CDIN1: variants seen among roughly 807,000 people sequenced by gnomAD.
CDIN1 encodes CDAN1-interacting nuclease 1.
In CDIN1, 33 loss-of-function variants were observed where a neutral mutation model predicts 45.3. That is an observed-to-expected ratio of 0.73 (90% CI 0.55 to 0.97). The LOEUF (loss-of-function observed/expected upper bound fraction) is 0.97, where lower values mean the gene tolerates loss of function less well. CDIN1 is among the 50% of genes least tolerant of loss of function. CDIN1 has a pLI of 0.00. For synonymous variants in CDIN1, 118 were observed against 124.4 expected (o/e 0.95, Z 0.34); for missense variants, 303 against 339.4 (o/e 0.89, Z 0.84).
At chr15:36,613,446 G>T (rs777590718) in intron 1 of CDIN1, 22 of 1,523,350 alleles carry the variant, frequency 1.4e-5, no homozygotes, top group Non-Finnish European at 2.0e-5. Flanking sequence ...AGGAACTGGA[G>T]CGTGAGCAGT....
At chr15:36,631,241 T>G (rs2039666097) in intron 1 of CDIN1, among the ~76,000 whole-genome samples, 1 of 152,016 alleles carries the variant, frequency 6.6e-6, no homozygotes, top group South Asian at 2.1e-4. Flanking sequence ...GATCTTCTAT[T>G]TTTTTAAGAA....
intron 10 of CDIN1, among the ~76,000 whole-genome samples, chr15:36,759,620 G>A (rs748991833): frequency 1.3e-5 from 2 of 151,938 alleles, no homozygotes; most frequent in Non-Finnish European, 2.9e-5. Context: ...GACACTATTA[G>A]CATTGTTAAC....
At chr15:36,652,257 G>T (rs939332749) in intron 3 of CDIN1, among the ~76,000 whole-genome samples, 1 of 152,026 alleles carries the variant, frequency 6.6e-6, no homozygotes, top group Non-Finnish European at 1.5e-5. Flanking sequence ...ACCATGAATG[G>T]TTTTTTTTCC....
chr15:36,613,392 A>ACTG, intron 1 of CDIN1: 1 of 1,019,536 alleles, frequency 9.8e-7, no homozygotes. Flanking sequence ...TTGTCTTAAG[A>ACTG]ACTCAGTTTT....
chr15:36,675,529 T>G (rs561557398), intron 5 of CDIN1, among the ~76,000 whole-genome samples: 1 of 152,270 alleles, frequency 6.6e-6, no homozygotes, highest in Admixed American at 6.5e-5. Context: ...GCAGCATGTC[T>G]TTTTGTAAAC....
intron 10 of CDIN1, among the ~76,000 whole-genome samples, chr15:36,768,852 A>G (rs1452375793): frequency 2.0e-5 from 3 of 152,280 alleles, no homozygotes; most frequent in South Asian, 2.1e-4. Context: ...GAAAGGCCTC[A>G]GAGTCTGAAA....
chr15:36,786,869 T>C (rs943107428), intron 10 of CDIN1, among the ~76,000 whole-genome samples: 2 of 152,088 alleles, frequency 1.3e-5, no homozygotes, highest in African/African-American at 4.8e-5. Flanking sequence ...CTCTGACCCT[T>C]CAAACCCACT....
chr15:36,625,483 A>C lies in CDIN1; in HGVS notation c.102-18795A>C, dbSNP rs981506635. Among the ~76,000 whole-genome samples, 6 of 152,210 alleles carry C rather than the reference A, an allele frequency of 3.9e-5. No homozygotes were observed. In the East Asian group the frequency reaches 5.8e-4, roughly 15 times the overall value. The stretch of plus-strand genomic sequence containing the variant: ...TTCATACATTGAAGAATTCTCTGAT[A>C]AGAGAGATTCATTCATGATATTTTC... On this transcript the variant is annotated intron_variant, in intron 1 of 10. Coordinates refer to ENST00000566621, the MANE Select transcript of CDIN1 (RefSeq NM_001321759.2).
intron 7 of CDIN1, chr15:36,696,456 G>A (rs147118202): frequency 6.6e-6 from 1 of 152,356 alleles, no homozygotes; most frequent in Non-Finnish European, 1.5e-5. Context: ...TGAATTCACA[G>A]AAGATTTACA....
chr15:36,783,678 AC>A (rs2054410039), intron 10 of CDIN1, among the ~76,000 whole-genome samples: 1 of 152,156 alleles, frequency 6.6e-6, no homozygotes, highest in Non-Finnish European at 1.5e-5. Flanking sequence ...AACACGGGAA[AC>A]GTAAGTTGGA....
intron 10 of CDIN1, among the ~76,000 whole-genome samples, chr15:36,715,981 T>C (rs931067731): frequency 2.0e-5 from 3 of 152,326 alleles, no homozygotes; most frequent in African/African-American, 7.2e-5. Flanking sequence ...CCATCATTCA[T>C]TGGTTTTAAC....
At chr15:36,710,073 A>C in intron 10 of CDIN1, 112 bp downstream of exon 10, 1 of 668,462 alleles carries the variant, frequency 1.5e-6, no homozygotes, top group Non-Finnish European at 2.4e-6. Context: ...TTTCTAGTAA[A>C]TACAGAGTTT....
At chr15:36,803,753 G>C (rs2055128577) in intron 10 of CDIN1, among the ~76,000 whole-genome samples, 1 of 152,160 alleles carries the variant, frequency 6.6e-6, no homozygotes, top group Admixed American at 6.5e-5. Context: ...TGATGAGTGT[G>C]TTAGTGAACC....
chr15:36,729,145 CT>C (rs2043750007), intron 10 of CDIN1, among the ~76,000 whole-genome samples: 1 of 152,060 alleles, frequency 6.6e-6, no homozygotes, highest in Admixed American at 6.6e-5. Context: ...AGATGATAGA[CT>C]TTTTTCTCTT....
chr15:36,809,303 T>TA lies in CDIN1; in HGVS notation c.*851dup, dbSNP rs2055329357. The TA allele has an allele frequency of 5.3e-6, 1 of 190,302 alleles. No individual in the cohort carries two copies. Among genetic ancestry groups the TA allele is most frequent in the Admixed American group, 5.6e-5 (1 of 17,954 alleles). 11.8% of individuals were successfully genotyped at this position (190,302 alleles called of 1,614,324 possible). On this transcript the variant is annotated 3_prime_UTR_variant, in exon 11 of 11. Transcript: ENST00000566621. ...CAGTATGTACGTGAGCTAGTATTTT[T>TA]ATGAGTCGAGTTTTTTAAAGGCACA...
chr15:36,665,863 C>T (rs2041229077), intron 5 of CDIN1, among the ~76,000 whole-genome samples: 1 of 151,998 alleles, frequency 6.6e-6, no homozygotes, highest in Non-Finnish European at 1.5e-5. Flanking sequence ...TTTCTTAGAA[C>T]TTCAAAACAT....
intron 10 of CDIN1, among the ~76,000 whole-genome samples, chr15:36,796,699 T>TC (rs2054812422): frequency 1.3e-5 from 2 of 152,322 alleles, no homozygotes; most frequent in Admixed American, 1.3e-4. Flanking sequence ...TCGGGAACCA[T>TC]CCTCTGGAGC....
chr15:36,697,771 CAT>C (rs2042488077), intron 8 of CDIN1, among the ~76,000 whole-genome samples: 2 of 152,220 alleles, frequency 1.3e-5, no homozygotes, highest in African/African-American at 2.4e-5. Context: ...ATATTTGTCT[CAT>C]ATATGGAACT....
At chr15:36,668,985 C>A (rs1356280317) in intron 5 of CDIN1, 1 of 152,024 alleles carries the variant, frequency 6.6e-6, no homozygotes, top group Non-Finnish European at 1.5e-5. Context: ...ACACTTGAGC[C>A]ATATGAAGGA....
Sources: gnomAD v4.1 joint callset for allele counts (sites outside exome capture counted in the v4.1 genomes callset) on GRCh38, gnomAD v4.1.1 for gene constraint, MANE v1.5 for transcripts, NCBI Gene and HGNC (gene_info 2026-07-23, HGNC 2026-07-21) for gene names.